Variants in ESRRG observed in about 807,000 individuals in gnomAD.
The protein encoded by ESRRG is estrogen-related receptor gamma.
Under a neutral mutation model 44.0 loss-of-function variants are expected in ESRRG, and 13 were observed. That is an observed-to-expected ratio of 0.30 (90% CI 0.19 to 0.47). The LOEUF is 0.47. Among genes scored for constraint, ESRRG ranks in the 20% least tolerant of loss-of-function variants. The pLI is 1.00. For missense variants in ESRRG, 395 were observed against 580.6 expected, an observed-to-expected ratio of 0.68 and a Z score of 3.29; for synonymous variants, 215 against 214.6, an observed-to-expected ratio of 1.00 and a Z score of -0.02.
chr1:217,002,196 G>T (rs2150666911), intron 1 of ESRRG, among the ~76,000 whole-genome samples: 2 of 151,584 alleles, frequency 1.3e-5, no homozygotes, highest in South Asian at 4.2e-4. Flanking sequence ...CAGCTACCCT[G>T]GTGGCTGAGC....
chr1:217,011,753 G>C (rs906875225), intron 1 of ESRRG, among the ~76,000 whole-genome samples: 1 of 152,050 alleles, frequency 6.6e-6, no homozygotes, highest in Non-Finnish European at 1.5e-5. Context: ...CTGTGATCCT[G>C]ACTTCCCAGC....
intron 2 of ESRRG, among the ~76,000 whole-genome samples, chr1:216,922,452 T>G (rs1356356405): frequency 6.6e-6 from 1 of 152,102 alleles, no homozygotes; most frequent in Admixed American, 6.6e-5. Flanking sequence ...AGGATCATAT[T>G]TGTCCATGGG....
At chr1:217,123,516 A>G (rs112948826) in intron 1 of ESRRG, among the ~76,000 whole-genome samples, 16 of 152,320 alleles carry the variant, frequency 1.1e-4, no homozygotes, top group African/African-American at 1.9e-4. Flanking sequence ...ATGCTGATCA[A>G]TGATAGACTG....
chr1:217,075,211 A>C (rs1030713280), intron 1 of ESRRG, among the ~76,000 whole-genome samples: 1 of 152,160 alleles, frequency 6.6e-6, no homozygotes, highest in East Asian at 1.9e-4. Context: ...ATAATAATGA[A>C]ACCAGCAACA....
At chr1:216,643,058 G>T (rs1039757479) in intron 3 of ESRRG, among the ~76,000 whole-genome samples, 1 of 152,166 alleles carries the variant, frequency 6.6e-6, no homozygotes, top group Non-Finnish European at 1.5e-5. Flanking sequence ...CCTGCTGATA[G>T]GGTAAACTCA....
At chr1:216,915,954 G>C (rs1031120693) in intron 2 of ESRRG, among the ~76,000 whole-genome samples, 2 of 152,120 alleles carry the variant, frequency 1.3e-5, no homozygotes, top group African/African-American at 4.8e-5. Context: ...TATTCGCCAC[G>C]GGAGGGAGGA....
At chr1:216,988,700 A>G (rs1248749758) in intron 1 of ESRRG, among the ~76,000 whole-genome samples, 1 of 152,174 alleles carries the variant, frequency 6.6e-6, no homozygotes, top group Non-Finnish European at 1.5e-5. Flanking sequence ...AGATTCTGGT[A>G]CTTGAAGGTA....
At chr1:216,576,711 C>T (rs893193983) in intron 3 of ESRRG, among the ~76,000 whole-genome samples, 2 of 151,924 alleles carry the variant, frequency 1.3e-5, no homozygotes, top group Non-Finnish European at 2.9e-5. Flanking sequence ...TGACAGAAAT[C>T]GGAATAGCCA....
chr1:217,035,937 A>T (rs2082806017), intron 1 of ESRRG, among the ~76,000 whole-genome samples: 1 of 152,218 alleles, frequency 6.6e-6, no homozygotes, highest in African/African-American at 2.4e-5. Flanking sequence ...TATTCAGCAT[A>T]TGTAAGAAAC....
At chr1:216,585,901 G>T (rs1205773346) in intron 3 of ESRRG, among the ~76,000 whole-genome samples, 1 of 152,058 alleles carries the variant, frequency 6.6e-6, no homozygotes, top group Non-Finnish European at 1.5e-5. Context: ...TTAGCCAGGC[G>T]TGGTTGTGGG....
chr1:216,785,451 G>C (rs1239289424), intron 2 of ESRRG, among the ~76,000 whole-genome samples: 1 of 151,944 alleles, frequency 6.6e-6, no homozygotes, highest in Non-Finnish European at 1.5e-5. Context: ...TAGACATCAC[G>C]GTGTTAGGGC....
At chr1:216,869,635 G>A (rs1411475992) in intron 2 of ESRRG, among the ~76,000 whole-genome samples, 2 of 151,990 alleles carry the variant, frequency 1.3e-5, no homozygotes, top group Admixed American at 6.6e-5. Flanking sequence ...ATCAAATTGG[G>A]TAGAACCAAC....
intron 1 of ESRRG, among the ~76,000 whole-genome samples, chr1:216,968,693 G>C (rs1264986272): frequency 8.1e-6 from 1 of 123,370 alleles, no homozygotes; most frequent in African/African-American, 2.6e-5. Flanking sequence ...GTGTTGACTA[G>C]TATGGGTCTT....
At chr1:216,550,272 T>C (rs1318655213) in intron 5 of ESRRG, among the ~76,000 whole-genome samples, 2 of 152,156 alleles carry the variant, frequency 1.3e-5, no homozygotes, top group African/African-American at 4.8e-5. Flanking sequence ...GGTTCTGATA[T>C]TTAATGATTG....
chr1:217,113,579 G>T (rs1323241176), intron 1 of ESRRG, among the ~76,000 whole-genome samples: 1 of 152,114 alleles, frequency 6.6e-6, no homozygotes, highest in African/African-American at 2.4e-5. Flanking sequence ...AATAGAAAGA[G>T]ACTTTTGGGG....
At chr1:216,544,692 A>T (rs2053935335) in intron 5 of ESRRG, among the ~76,000 whole-genome samples, 1 of 152,012 alleles carries the variant, frequency 6.6e-6, no homozygotes, top group African/African-American at 2.4e-5. Flanking sequence ...GGGGGACTCT[A>T]TTACAAATAT....
At chr1:216,812,679 G>A (rs916523758) in intron 2 of ESRRG, among the ~76,000 whole-genome samples, 25 of 152,066 alleles carry the variant, frequency 1.6e-4, no homozygotes, top group South Asian at 2.1e-4. Flanking sequence ...ATGATTTCCA[G>A]CTCTTGCTCA....
intron 1 of ESRRG, among the ~76,000 whole-genome samples, chr1:216,963,367 T>G (rs1282950971): frequency 6.6e-6 from 1 of 152,118 alleles, no homozygotes; most frequent in Non-Finnish European, 1.5e-5. Flanking sequence ...AGAGGTAAAA[T>G]CATAGAGTAT....
At chr1:216,702,635 G>A (rs1477423198) in intron 1 of ESRRG, among the ~76,000 whole-genome samples, 1 of 149,696 alleles carries the variant, frequency 6.7e-6, no homozygotes, top group African/African-American at 2.5e-5. Context: ...AAATTAGCCA[G>A]GCATGGTGGC....
Sources: gnomAD v4.1 joint callset for allele counts (sites outside exome capture counted in the v4.1 genomes callset) on GRCh38, gnomAD v4.1.1 for gene constraint, MANE v1.5 for transcripts, NCBI Gene and HGNC (gene_info 2026-07-23, HGNC 2026-07-21) for gene names.